CACNA1E: variants seen among roughly 807,000 people sequenced by gnomAD.
CACNA1E encodes the protein voltage-dependent R-type calcium channel subunit alpha-1E.
A neutral mutation model predicts 259.2 loss-of-function variants in CACNA1E; 40 were observed. That is an observed-to-expected ratio of 0.15 (90% confidence interval 0.12 to 0.20). CACNA1E has a LOEUF of 0.20. Ranked by LOEUF, CACNA1E falls within the 10% of genes least tolerant of loss-of-function variation. The pLI is 1.00. For missense variants in CACNA1E, 1,874 were observed against 3,040.1 expected (o/e 0.62, Z 9.02); for synonymous variants, 1,104 against 1,138.5 (o/e 0.97, Z 0.61).
At chr1:181,411,795 AG>A (rs1435745700) in intron 1 of CACNA1E, among the ~76,000 whole-genome samples, 1 of 152,228 alleles carries the variant, frequency 6.6e-6, no homozygotes, top group East Asian at 1.9e-4. Flanking sequence ...TTTTTAGTAG[AG>A]ACTAGGTTTC....
chr1:181,520,229 A>G (rs1465633205), intron 3 of CACNA1E, among the ~76,000 whole-genome samples: 2 of 152,226 alleles, frequency 1.3e-5, no homozygotes, highest in Non-Finnish European at 2.9e-5. Flanking sequence ...CACTTGCTCA[A>G]GGTCAAATAG....
chr1:181,405,334 G>C (rs1463313045), intron 1 of CACNA1E, among the ~76,000 whole-genome samples: 1 of 152,222 alleles, frequency 6.6e-6, no homozygotes, highest in African/African-American at 2.4e-5. Context: ...AGATGCCATT[G>C]TCTGAGCCTG....
At chr1:181,770,729 TACAG>T (rs2102762602) in intron 35 of CACNA1E, among the ~76,000 whole-genome samples, 1 of 152,288 alleles carries the variant, frequency 6.6e-6, no homozygotes, top group Admixed American at 6.5e-5. Context: ...ATTAATGACA[TACAG>T]ACCTTCTAAG....
In CACNA1E at chr1:181,549,961, G is replaced by A. The variant is rs78676524; in HGVS notation, c.513-27805G>A. ...GGCCATTAAGAGGCTTAAAGTGAGG[G>A]GGTGGTAGAATCCTGGCTACATAGA... is the stretch of plus-strand genomic sequence containing the variant. On this transcript the variant is annotated intron_variant, in intron 3 of 47. Transcript: ENST00000367573. 2.5e-3 allele frequency among the ~76,000 whole-genome samples: 377 copies of A among 152,276 alleles called. 9 individuals carry two copies. In the East Asian group the frequency reaches 0.065, roughly 26 times the overall value.
intron 2 of CACNA1E, among the ~76,000 whole-genome samples, chr1:181,430,064 T>C: frequency 6.6e-6 from 1 of 152,174 alleles, no homozygotes; most frequent in Middle Eastern, 3.2e-3. Flanking sequence ...TACATACTCT[T>C]TTCTGGGACT....
intron 7 of CACNA1E, among the ~76,000 whole-genome samples, chr1:181,676,857 A>G (rs1343610166): frequency 6.6e-6 from 1 of 152,136 alleles, no homozygotes; most frequent in Non-Finnish European, 1.5e-5. Flanking sequence ...AATGCTTCCT[A>G]TAGTTTAGAA....
At chr1:181,729,192 G>T (rs572192036) in intron 18 of CACNA1E, among the ~76,000 whole-genome samples, 1 of 151,550 alleles carries the variant, frequency 6.6e-6, no homozygotes, top group East Asian at 2.0e-4. Context: ...TCAGGTGTGT[G>T]TGCATTTTGC....
At chr1:181,405,102 T>C (rs1417203004) in intron 1 of CACNA1E, among the ~76,000 whole-genome samples, 1 of 152,218 alleles carries the variant, frequency 6.6e-6, no homozygotes, top group Non-Finnish European at 1.5e-5. Flanking sequence ...GGAGATTTAA[T>C]CTGCCAGCAC....
chr1:181,603,985 A>G (rs964178870), intron 6 of CACNA1E, among the ~76,000 whole-genome samples: 6 of 152,084 alleles, frequency 3.9e-5, no homozygotes, highest in African/African-American at 1.2e-4. Flanking sequence ...CCTGTGACCC[A>G]CTGCCCTCTG....
chr1:181,338,274 T>C (rs1401179683), intron 1 of CACNA1E, among the ~76,000 whole-genome samples: 2 of 152,130 alleles, frequency 1.3e-5, no homozygotes, highest in African/African-American at 4.8e-5. Flanking sequence ...TTAGTAGAGA[T>C]GGAGTTTCGC....
rs778417163 is a variant in CACNA1E at position 181,785,369 on chromosome 1, A to G, written c.5630A>G (p.Tyr1877Cys). The G allele has an allele frequency of 6.2e-7, 1 of 1,613,706 alleles. No homozygotes were observed. Among genetic ancestry groups the G allele is most frequent in the East Asian group, 2.2e-5 (1 of 44,884 alleles). The change falls in exon 42 of 48, where the codon TAC becomes TGC. Residue 1877 changes from tyrosine (Y) to cysteine (C), a missense_variant. Transcript: ENST00000367573. Reference protein sequence around the residue: ...KIYAAMMIMDYYKQSKVKKQR... With the variant: ...KIYAAMMIMDCYKQSKVKKQR... ...TATGCAGCAATGATGATCATGGACT[A>G]CTATAAGCAGAGTAAGGTGAAGAAG...
intron 44 of CACNA1E, 124 bp from the exon 45 acceptor site, chr1:181,793,541 A>G: frequency 1.0e-6 from 1 of 994,824 alleles, no homozygotes; most frequent in Non-Finnish European, 1.5e-6. Flanking sequence ...CATACAACTG[A>G]GACCTTAAAG....
intron 6 of CACNA1E, among the ~76,000 whole-genome samples, chr1:181,610,887 A>G (rs1354324007): frequency 6.6e-6 from 1 of 152,234 alleles, no homozygotes; most frequent in Non-Finnish European, 1.5e-5. Flanking sequence ...CACTATGTAG[A>G]GGGCTTAAGT....
intron 7 of CACNA1E, among the ~76,000 whole-genome samples, chr1:181,707,490 G>A (rs1310384112): frequency 6.6e-6 from 1 of 152,164 alleles, no homozygotes; most frequent in Non-Finnish European, 1.5e-5. Context: ...ACCTGGAACC[G>A]GAAGAGGTTA....
At chr1:181,683,498 C>A (rs1650200691) in intron 7 of CACNA1E, among the ~76,000 whole-genome samples, 1 of 152,136 alleles carries the variant, frequency 6.6e-6, no homozygotes, top group Non-Finnish European at 1.5e-5. Context: ...AGGTAAATTG[C>A]ATGTCACTGA....
chr1:181,540,652 C>G lies in CACNA1E; in HGVS notation c.512+29142C>G, dbSNP rs182293470. Among the ~76,000 whole-genome samples the G allele has an allele frequency of 7.4e-4, 113 of 152,292 alleles. 1 individual carries two copies. The highest frequency in any genetic ancestry group is 2.0e-3 in the African/African-American group (83 of 41,572). ...TCCCATCCCTGGAGGAAAGGAGCAT[C>G]GTGATCCCTGAAGACAGAGGGACAC... On this transcript the variant is annotated intron_variant, in intron 3 of 47. Coordinates refer to ENST00000367573, the MANE Select transcript of CACNA1E (RefSeq NM_001205293.3).
intron 2 of CACNA1E, among the ~76,000 whole-genome samples, chr1:181,439,092 A>G (rs2102285218): frequency 6.6e-6 from 1 of 152,352 alleles, no homozygotes; most frequent in South Asian, 2.1e-4. Flanking sequence ...TGTTAAGTTA[A>G]AAACATACCT....
At chr1:181,761,819 T>C (rs1312140352) in intron 32 of CACNA1E, among the ~76,000 whole-genome samples, 1 of 152,228 alleles carries the variant, frequency 6.6e-6, no homozygotes, top group Non-Finnish European at 1.5e-5. Context: ...CCCTCTCCTG[T>C]TAAATGGAGT....
Position 181,798,812 on chromosome 1 carries a change from C to T in CACNA1E, c.6920C>T (p.Thr2307Met), listed in dbSNP as rs564755599. The change falls in exon 48 of 48, where the codon ACG becomes ATG. Residue 2307 changes from threonine to methionine, a missense_variant. Physicochemically the swap from Thr to Met is moderately conservative, Grantham distance 81 (BLOSUM62 -1). Coordinates refer to ENST00000367573, the MANE Select transcript of CACNA1E (RefSeq NM_001205293.3). This position sits in a 1 kb window ranked among gnomAD's most constrained non-coding sequence, Gnocchi z 4.2. ...GCTGTCAACAACCTGCTAAGTGACA[C>T]GGAAGAAGATGACAAATGCTAGAGG... ...CGAVNNLLSD[T>M]EEDDKC The T allele has an allele frequency of 5.6e-5, 86 of 1,528,088 alleles. No homozygotes were observed. Among genetic ancestry groups the T allele is most frequent in the African/African-American group, 1.5e-4 (11 of 72,966 alleles). 94.7% of individuals were successfully genotyped at this position (1,528,088 alleles called of 1,614,324 possible). A position where few individuals can be genotyped will look rare whatever the true frequency, so the allele number is the denominator to read the frequency against.
Sources: allele counts gnomAD v4.1 joint callset (sites outside exome capture counted in the v4.1 genomes callset), GRCh38; gene constraint gnomAD v4.1.1; non-coding constraint Gnocchi (gnomAD v3.1); transcripts MANE v1.5; gene names NCBI Gene and HGNC (gene_info 2026-07-23, HGNC 2026-07-21).